The following PLCXD2 variants were observed in gnomAD, a reference collection of about 807,000 sequenced individuals.
PLCXD2 encodes the protein PI-PLC X domain-containing protein 2.
Under a neutral mutation model 28.6 loss-of-function variants are expected in PLCXD2, and 21 were observed. The observed-to-expected ratio is 0.73, with a 90% CI of 0.52 to 1.06. PLCXD2 has a LOEUF of 1.06. Among genes scored for constraint, PLCXD2 ranks in the 50% least tolerant of loss-of-function variants. The pLI is 0.00. For synonymous variants in PLCXD2, 140 were observed against 150.1 expected (o/e 0.93, Z 0.49); for missense variants, 369 against 376.7 (o/e 0.98, Z 0.17).
chr3:111,684,287 G>A (rs1328822356), intron 1 of PLCXD2, among the ~76,000 whole-genome samples: 11 of 147,982 alleles, frequency 7.4e-5, no homozygotes, highest in Admixed American at 2.0e-4. Flanking sequence ...CTGAGATTGC[G>A]CCATTGCACT....
At position 111,675,081 on chromosome 3, in the gene PLCXD2, CT is replaced by C; in HGVS notation, c.-164del. 2 of 699,424 alleles carry C rather than the reference CT, an allele frequency of 2.9e-6. No individual in the cohort carries two copies. Among genetic ancestry groups the C allele is most frequent in the South Asian group, 3.8e-5 (2 of 52,910 alleles). The allele number at this position is 699,424 out of a possible 1,614,324, so 43.3% of individuals were successfully genotyped here. ...CCGGAGAGAGTGGGGACTGTGAGTG[CT>C]AGTGGGTAAGGATCCATCTGTTTGC... is the stretch of plus-strand genomic sequence containing the variant. On this transcript the variant is annotated 5_prime_UTR_variant, in exon 1 of 5. Transcript: ENST00000477665.
intron 1 of PLCXD2, among the ~76,000 whole-genome samples, chr3:111,683,110 G>A (rs529207234): frequency 6.6e-6 from 1 of 152,242 alleles, no homozygotes; most frequent in East Asian, 1.9e-4. Flanking sequence ...GAAAATGTAT[G>A]GGGTCTGTAA....
intron 1 of PLCXD2, among the ~76,000 whole-genome samples, chr3:111,706,215 A>C (rs962155467): frequency 4.2e-4 from 64 of 151,958 alleles, no homozygotes; most frequent in African/African-American, 1.5e-3. Flanking sequence ...TTTTAATTTG[A>C]TTATTTAGTT....
intron 3 of PLCXD2, among the ~76,000 whole-genome samples, chr3:111,719,223 A>T (rs537591617): frequency 6.6e-6 from 1 of 152,322 alleles, no homozygotes; most frequent in South Asian, 2.1e-4. Context: ...GAAGCCATAA[A>T]AGAAAAAAAA....
chr3:111,701,220 T>C (rs1446429848), intron 1 of PLCXD2, among the ~76,000 whole-genome samples: 2 of 152,362 alleles, frequency 1.3e-5, no homozygotes, highest in Admixed American at 6.5e-5. Flanking sequence ...TTCAAAGCAC[T>C]TTGCTTACAT....
In PLCXD2 at chr3:111,706,812, C is replaced by CA. The variant is rs34217304; in HGVS notation, c.164-1099dup. On this transcript the variant is annotated intron_variant, in intron 1 of 4. Coordinates refer to ENST00000477665, the MANE Select transcript of PLCXD2 (RefSeq NM_001185106.1). ...ATATCAGACAAAATAGACTTTAAGG[C>CA]AAAAAAAAAAAAAAACACAAAGAGA... Among the ~76,000 whole-genome samples the CA allele has an allele frequency of 7.2e-3, 823 of 114,940 alleles. 6 individuals are homozygous for CA. Among genetic ancestry groups the CA allele is most frequent in the East Asian group, 0.019 (73 of 3,756 alleles). 75.4% of individuals were successfully genotyped at this position (114,940 alleles called of 152,430 possible). A position where few individuals can be genotyped will look rare whatever the true frequency, so the allele number is the denominator to read the frequency against.
intron 1 of PLCXD2, among the ~76,000 whole-genome samples, chr3:111,696,514 A>G (rs1358709309): frequency 6.6e-6 from 1 of 152,210 alleles, no homozygotes; most frequent in East Asian, 1.9e-4. Flanking sequence ...AGCATCAGCT[A>G]TAGTGGGTAA....
chr3:111,675,637 G>T (rs1026155056), intron 1 of PLCXD2, among the ~76,000 whole-genome samples: 4 of 152,074 alleles, frequency 2.6e-5, no homozygotes, highest in African/African-American at 9.7e-5. Context: ...TTTGTTTGTG[G>T]TTTTTTTGTT....
intron 1 of PLCXD2, among the ~76,000 whole-genome samples, chr3:111,678,072 G>A (rs1940651734): frequency 6.6e-6 from 1 of 152,116 alleles, no homozygotes; most frequent in Admixed American, 6.5e-5. Flanking sequence ...GAAAGGGCAG[G>A]GAAAAGGCAA....
chr3:111,718,999 A>G (rs905488539), intron 3 of PLCXD2, among the ~76,000 whole-genome samples: 2 of 152,248 alleles, frequency 1.3e-5, no homozygotes, highest in African/African-American at 4.8e-5. Context: ...CTGATTAAGT[A>G]TTGGTCTATT....
chr3:111,713,783 G>A, intron 2 of PLCXD2, 104 bp from the exon 3 acceptor site: 1 of 1,274,848 alleles, frequency 7.8e-7, no homozygotes, highest in Non-Finnish European at 1.1e-6. Flanking sequence ...TTCCACATAT[G>A]ATTATATTTT....
chr3:111,712,699 T>C (rs994119259), intron 2 of PLCXD2, among the ~76,000 whole-genome samples: 1 of 152,090 alleles, frequency 6.6e-6, no homozygotes, highest in Non-Finnish European at 1.5e-5. Context: ...CCAGAGCTCT[T>C]GTTCTTGGGT....
intron 2 of PLCXD2, among the ~76,000 whole-genome samples, chr3:111,709,181 AT>A: frequency 6.6e-6 from 1 of 152,178 alleles, no homozygotes; most frequent in African/African-American, 2.4e-5. Context: ...CGAGGCAGAT[AT>A]TTTTTAACTC....
chr3:111,723,168 T>A (rs1189609200), intron 3 of PLCXD2: 1 of 152,202 alleles, frequency 6.6e-6, no homozygotes, highest in Non-Finnish European at 1.5e-5. Context: ...ATTTCCCCAC[T>A]TTTTACCCTT....
Position 111,708,472 on chromosome 3 carries a change from A to G in PLCXD2, c.624+86A>G, listed in dbSNP as rs926457573. 61 of 1,241,964 alleles carry G rather than the reference A, an allele frequency of 4.9e-5. No individual in the cohort carries two copies. In the African/African-American group the frequency reaches 8.7e-4, roughly 18 times the overall value. 76.9% of individuals were successfully genotyped at this position (1,241,964 alleles called of 1,614,324 possible). On this transcript the variant is annotated intron_variant, in intron 2 of 4. Coordinates refer to ENST00000477665, the MANE Select transcript of PLCXD2 (RefSeq NM_001185106.1). Reference sequence around the variant, plus strand: ...GTATTGCCGTCTGTAAAATCACTCAATCCAGGGCTCTTAGGCTAAAGAGTG... The same window carrying G: ...GTATTGCCGTCTGTAAAATCACTCAGTCCAGGGCTCTTAGGCTAAAGAGTG...
At chr3:111,676,117 T>A (rs535581278) in intron 1 of PLCXD2, among the ~76,000 whole-genome samples, 47 of 152,224 alleles carry the variant, frequency 3.1e-4, no homozygotes, top group Non-Finnish European at 5.0e-4. Context: ...TGCCTTGACA[T>A]CATTTGTTAA....
rs558817253 is a variant in PLCXD2 at position 111,709,716 on chromosome 3, A to G, written c.624+1330A>G. Among the ~76,000 whole-genome samples the G allele has an allele frequency of 4.6e-5, 7 of 152,324 alleles. No individual in the cohort carries two copies. The East Asian group carries it at 1.3e-3, about 29-fold the overall frequency. ...ACCCAAAAGCAGGAGTGTCCCTGCC[A>G]TCTTTGAGGAAAAGGAACATGCAGT... On this transcript the variant is annotated intron_variant, in intron 2 of 4. Transcript: ENST00000477665.
intron 1 of PLCXD2, among the ~76,000 whole-genome samples, chr3:111,695,632 A>G (rs1254377241): frequency 6.6e-6 from 1 of 152,188 alleles, no homozygotes; most frequent in Non-Finnish European, 1.5e-5. Context: ...TTCTGAAAAC[A>G]TTACTGGTTC....
chr3:111,681,167 G>T (rs941085219), intron 1 of PLCXD2, among the ~76,000 whole-genome samples: 3 of 152,116 alleles, frequency 2.0e-5, no homozygotes, highest in African/African-American at 7.2e-5. Flanking sequence ...TAAAGTTAAG[G>T]GAAGGATACA....
Sources: gnomAD v4.1 joint callset for allele counts (sites outside exome capture counted in the v4.1 genomes callset) on GRCh38, gnomAD v4.1.1 for gene constraint, MANE v1.5 for transcripts, NCBI Gene and HGNC (gene_info 2026-07-23, HGNC 2026-07-21) for gene names.